The following HEXB variants were observed in gnomAD, a reference collection of about 807,000 sequenced individuals.
HEXB encodes beta-hexosaminidase subunit beta.
HEXB carries 51 observed loss-of-function variants against 71.2 expected under a neutral mutation model. The observed-to-expected ratio is 0.72, with a 90% CI of 0.57 to 0.90. The LOEUF is 0.90. Ranked by LOEUF, HEXB falls within the 40% of genes least tolerant of loss-of-function variation. The probability of loss-of-function intolerance (pLI) is 0.00; values close to 1 mark genes in which losing one functional copy is unlikely to be tolerated. For synonymous variants in HEXB, 266 were observed against 249.3 expected (o/e 1.07, Z -0.63); for missense variants, 617 against 677.0 (o/e 0.91, Z 0.98).
At chr5:74,693,745 A>G in intron 3 of HEXB, 41 bp downstream of exon 3, 1 of 1,449,044 alleles carries the variant, frequency 6.9e-7, no homozygotes, top group Non-Finnish European at 9.7e-7. Flanking sequence ...CCAGTAAAGG[A>G]AAATTTTCAG....
intron 1 of HEXB, among the ~76,000 whole-genome samples, 155 bp downstream of exon 1, chr5:74,685,714 A>G (rs1748852436): frequency 6.6e-6 from 1 of 151,626 alleles, no homozygotes. Context: ...GACTGAACCC[A>G]CGCTCTTGCC....
At chr5:74,719,212 A>G (rs1163619683) in intron 11 of HEXB, among the ~76,000 whole-genome samples, 1 of 152,198 alleles carries the variant, frequency 6.6e-6, no homozygotes, top group Non-Finnish European at 1.5e-5. Flanking sequence ...CAAGAACTTC[A>G]AAAGTATTAT....
At chr5:74,671,859 T>C (rs1330271935) in intron 1 of HEXB, among the ~76,000 whole-genome samples, 1 of 152,150 alleles carries the variant, frequency 6.6e-6, no homozygotes, top group Non-Finnish European at 1.5e-5. Flanking sequence ...CTGAGATGCT[T>C]CCTGGGTGTC....
chr5:74,684,750 T>G (rs1748813601), upstream of HEXB, among the ~76,000 whole-genome samples: 1 of 149,472 alleles, frequency 6.7e-6, no homozygotes, highest in Non-Finnish European at 1.5e-5. Flanking sequence ...CGATCTCGGC[T>G]CACTGCAACC....
In HEXB at chr5:74,721,196, CACAGCAATCTGTACT is replaced by C; in HGVS notation, c.*25_*39del. On this transcript the variant is annotated 3_prime_UTR_variant, in exon 14 of 14. Transcript: ENST00000261416. The stretch of plus-strand genomic sequence containing the variant: ...TGTAAAAAATGGAGGGGAAAAAGGC[CACAGCAATCTGTACT>C]ACAATCAACTTTATTTTGAAATCAT... 6.3e-7 allele frequency: 1 copy of C among 1,575,884 alleles called. No homozygotes were observed. Among genetic ancestry groups the C allele is most frequent in the East Asian group, 2.2e-5 (1 of 44,572 alleles).
intron 1 of HEXB, among the ~76,000 whole-genome samples, chr5:74,661,633 G>C (rs1460209616): frequency 6.6e-6 from 1 of 150,548 alleles, no homozygotes; most frequent in Admixed American, 6.7e-5. Flanking sequence ...CTGGCCTCAA[G>C]GGATCCTCCC....
chr5:74,654,841 G>C (rs1748187371), intron 1 of HEXB, among the ~76,000 whole-genome samples: 1 of 152,218 alleles, frequency 6.6e-6, no homozygotes, highest in Admixed American at 6.5e-5. Context: ...TGTGGGCAAT[G>C]ATGAGGGGCT....
At chr5:74,647,150 CCT>C (rs994419959) in intron 1 of HEXB, among the ~76,000 whole-genome samples, 1 of 152,108 alleles carries the variant, frequency 6.6e-6, no homozygotes, top group Non-Finnish European at 1.5e-5. Context: ...CATTTTTCTC[CCT>C]GTTTTTCTTT....
At chr5:74,717,381 T>C (rs1749696584) in intron 9 of HEXB, among the ~76,000 whole-genome samples, 1 of 151,912 alleles carries the variant, frequency 6.6e-6, no homozygotes, top group Non-Finnish European at 1.5e-5. Context: ...TTAATTAAAA[T>C]TAATGAAAGT....
At chr5:74,654,118 T>G (rs891382177) in intron 1 of HEXB, among the ~76,000 whole-genome samples, 2 of 152,132 alleles carry the variant, frequency 1.3e-5, no homozygotes, top group African/African-American at 4.8e-5. Context: ...TGGACCCAGG[T>G]GTAGCCAGCT....
chr5:74,685,659 A>T, intron 1 of HEXB, 100 bp downstream of exon 1: 1 of 1,105,970 alleles, frequency 9.0e-7, no homozygotes, highest in Middle Eastern at 2.2e-4. Flanking sequence ...TGCGCAGACG[A>T]GAAACCGCCT....
intron 1 of HEXB, among the ~76,000 whole-genome samples, chr5:74,665,410 T>TTC (rs1411736468): frequency 2.9e-5 from 4 of 139,712 alleles, no homozygotes; most frequent in African/African-American, 1.1e-4. Context: ...ACGCACACTT[T>TTC]TCTCTGTGTG....
At chr5:74,690,829 T>C (rs1748987020) in intron 2 of HEXB, among the ~76,000 whole-genome samples, 1 of 152,178 alleles carries the variant, frequency 6.6e-6, no homozygotes, top group Non-Finnish European at 1.5e-5. Context: ...GAAAAAAAGC[T>C]TTCTTTCTCT....
At chr5:74,705,463 C>T in intron 6 of HEXB, 143 bp downstream of exon 6, 1 of 660,422 alleles carries the variant, frequency 1.5e-6, no homozygotes, top group Non-Finnish European at 2.7e-6. Context: ...TTGGCTGTGA[C>T]TTAGCATTTT....
chr5:74,671,176 C>T lies in HEXB; in HGVS notation c.-376-18152C>T, dbSNP rs578134276. Among the ~76,000 whole-genome samples, 9 of 152,240 alleles carry T rather than the reference C, an allele frequency of 5.9e-5. No individual in the cohort carries two copies. The South Asian group carries it at 1.9e-3, about 32-fold the overall frequency. On this transcript the variant is annotated intron_variant, in intron 1 of 13. Coordinates refer to the HEXB transcript ENST00000511181. Reference sequence around the variant, plus strand: ...AACAATGCCACAAGAGTACTGGCAACAAAGTGTTCCAAGACCCATAAAAAT... The same window carrying T: ...AACAATGCCACAAGAGTACTGGCAATAAAGTGTTCCAAGACCCATAAAAAT...
chr5:74,689,620 A>G (rs1748950625), intron 2 of HEXB, 147 bp downstream of exon 2: 3 of 751,492 alleles, frequency 4.0e-6, no homozygotes, highest in Non-Finnish European at 4.7e-6. Context: ...TTAAAGTCTG[A>G]TTATAAAAGT....
At chr5:74,640,031 A>G (rs1747788630) in exon 1 of HEXB, 2 of 152,234 alleles carry the variant, frequency 1.3e-5, no homozygotes, top group South Asian at 2.1e-4. Context: ...CTGTATCCTT[A>G]GCTCGGCTCC....
chr5:74,640,620 G>A (rs1472271093), intron 1 of HEXB: 2 of 152,460 alleles, frequency 1.3e-5, no homozygotes, highest in African/African-American at 2.4e-5. Context: ...TGCGCTCGGG[G>A]GAGGGAGCTA....
intron 1 of HEXB, among the ~76,000 whole-genome samples, chr5:74,664,245 A>C (rs1748389021): frequency 7.2e-6 from 1 of 138,732 alleles, no homozygotes; most frequent in Non-Finnish European, 1.5e-5. Flanking sequence ...AACAAGAGTG[A>C]AACTCCATCT....
Sources: gnomAD v4.1 joint callset for allele counts (sites outside exome capture counted in the v4.1 genomes callset) on GRCh38, gnomAD v4.1.1 for gene constraint, MANE v1.5 for transcripts, NCBI Gene and HGNC (gene_info 2026-07-23, HGNC 2026-07-21) for gene names.